Variants in RANBP2 observed in about 807,000 individuals in gnomAD.
RANBP2 encodes the protein E3 SUMO-protein ligase RanBP2.
A neutral mutation model predicts 303.6 loss-of-function variants in RANBP2; 57 were observed. That is an observed-to-expected ratio of 0.19 (90% CI 0.15 to 0.23). The LOEUF (loss-of-function observed/expected upper bound fraction) is 0.23, where lower values mean the gene tolerates loss of function less well. RANBP2 is among the 10% of genes least tolerant of loss of function. The pLI, the probability that RANBP2 is intolerant of heterozygous loss-of-function variation, is 1.00. For synonymous variants in RANBP2, 1,167 were observed against 1,301.5 expected (o/e 0.90, Z 2.23); for missense variants, 3,138 against 3,780.8 (o/e 0.83, Z 4.46).
chr2:108,815,353 C>A, the RANBP2 span, among the ~76,000 whole-genome samples: 16 of 149,522 alleles, frequency 1.1e-4, no homozygotes, highest in Non-Finnish European at 2.2e-4. Flanking sequence ...GAAAAGTTTT[C>A]TTTTAGTAAT....
At chr2:109,342,169 G>T in the RANBP2 span, among the ~76,000 whole-genome samples, 1 of 152,202 alleles carries the variant, frequency 6.6e-6, no homozygotes. Context: ...GCCCCTGGCT[G>T]GAATGCCCCA....
chr2:109,469,771 C>T, the RANBP2 span, among the ~76,000 whole-genome samples: 185 of 152,208 alleles, frequency 1.2e-3, no homozygotes, highest in Non-Finnish European at 2.2e-3. Context: ...CCCCAGATCT[C>T]ATGAAGAAAA....
chr2:108,997,610 G>A, the RANBP2 span, among the ~76,000 whole-genome samples: 35 of 152,060 alleles, frequency 2.3e-4, no homozygotes, highest in African/African-American at 8.2e-4. Flanking sequence ...ACTGCTCTGT[G>A]GCCGAGCACG....
chr2:109,490,696 A>G, the RANBP2 span: 3 of 1,531,182 alleles, frequency 2.0e-6, no homozygotes, highest in African/African-American at 4.1e-5. Flanking sequence ...CCAACCCACG[A>G]CCCCCAGGTG....
chr2:108,949,396 G>A, the RANBP2 span, among the ~76,000 whole-genome samples: 1 of 152,154 alleles, frequency 6.6e-6, no homozygotes, highest in African/African-American at 2.4e-5. Flanking sequence ...TTCAGTCAGT[G>A]GGAAGATACG....
chr2:109,264,586 C>T, the RANBP2 span, among the ~76,000 whole-genome samples: 1 of 152,390 alleles, frequency 6.6e-6, no homozygotes, highest in Admixed American at 6.5e-5. Context: ...CGATTTAAAA[C>T]CATGTGCATG....
chr2:109,181,990 CA>C, the RANBP2 span, among the ~76,000 whole-genome samples: 1 of 152,108 alleles, frequency 6.6e-6, no homozygotes, highest in African/African-American at 2.4e-5. Context: ...GCTCATTGCT[CA>C]GGGGAGGAGG....
the RANBP2 span, among the ~76,000 whole-genome samples, chr2:109,227,612 C>T: frequency 6.6e-6 from 1 of 152,182 alleles, no homozygotes; most frequent in Non-Finnish European, 1.5e-5. Context: ...GTGGGAGATT[C>T]CCCTGGATCT....
At chr2:109,315,758 T>C in the RANBP2 span, among the ~76,000 whole-genome samples, 2 of 152,212 alleles carry the variant, frequency 1.3e-5, no homozygotes. Flanking sequence ...ATTGTGACAT[T>C]TAGAGTATTC....
chr2:109,122,972 T>A, the RANBP2 span, among the ~76,000 whole-genome samples: 4 of 152,184 alleles, frequency 2.6e-5, no homozygotes, highest in African/African-American at 9.7e-5. Context: ...AAGTTGTGTC[T>A]TAGGCAGCCT....
chr2:109,614,701 C>T, the RANBP2 span: 2 of 1,488,882 alleles, frequency 1.3e-6, no homozygotes, highest in Non-Finnish European at 1.8e-6. Context: ...GTCGATCCCG[C>T]CGACGGCGCC....
the RANBP2 span, among the ~76,000 whole-genome samples, chr2:109,573,633 C>G: frequency 6.6e-6 from 1 of 152,202 alleles, no homozygotes; most frequent in Non-Finnish European, 1.5e-5. Context: ...CCAGAACAAC[C>G]TTGGATTTTT....
the RANBP2 span, among the ~76,000 whole-genome samples, chr2:108,932,955 C>G: frequency 2.0e-5 from 3 of 152,146 alleles, no homozygotes; most frequent in African/African-American, 4.8e-5. Flanking sequence ...TCCTGCCTCC[C>G]GAGTACAACA....
At chr2:108,868,522 C>G in the RANBP2 span, among the ~76,000 whole-genome samples, 1 of 152,196 alleles carries the variant, frequency 6.6e-6, no homozygotes. Context: ...TTCTACCTCA[C>G]CTGTCTCTCT....
At chr2:109,704,666 G>A in the RANBP2 span, among the ~76,000 whole-genome samples, 117,235 of 151,994 alleles carry the variant, frequency 0.77, 49,253 homozygotes, top group East Asian at 0.97. Context: ...CCTGACTAAC[G>A]TGGCGAAACC....
chr2:109,094,717 C>G, the RANBP2 span, among the ~76,000 whole-genome samples: 1 of 152,178 alleles, frequency 6.6e-6, no homozygotes, highest in Admixed American at 6.5e-5. Flanking sequence ...GCAATCCCAG[C>G]TATTCAGGAG....
chr2:108,840,993 G>A, the RANBP2 span, among the ~76,000 whole-genome samples: 2 of 151,318 alleles, frequency 1.3e-5, no homozygotes, highest in African/African-American at 4.9e-5. Context: ...TGTGTTTTTT[G>A]TGTGTGTGTT....
the RANBP2 span, among the ~76,000 whole-genome samples, chr2:108,996,295 T>C: frequency 2.6e-5 from 4 of 152,140 alleles, no homozygotes. Context: ...TTAGGGATCT[T>C]TACACCCCAG....
chr2:108,760,775 G>A (rs575060143), intron 18 of RANBP2, among the ~76,000 whole-genome samples: 1 of 152,254 alleles, frequency 6.6e-6, no homozygotes, highest in African/African-American at 2.4e-5. Flanking sequence ...AGAAGAGTTT[G>A]TATATCAACA....
Sources: allele counts gnomAD v4.1 joint callset (sites outside exome capture counted in the v4.1 genomes callset), GRCh38; gene constraint gnomAD v4.1.1; transcripts MANE v1.5; gene names NCBI Gene and HGNC (gene_info 2026-07-23, HGNC 2026-07-21).